SUSD6: variants seen among roughly 807,000 people sequenced by gnomAD.
The protein encoded by SUSD6 is sushi domain containing 6, also known as sushi domain-containing protein 6.
SUSD6 carries 16 observed loss-of-function variants against 28.4 expected under a neutral mutation model. The observed-to-expected ratio is 0.56, with a 90% CI of 0.38 to 0.86. SUSD6 has a LOEUF of 0.86. SUSD6 is among the 40% of genes least tolerant of loss of function. The probability of loss-of-function intolerance (pLI) is 0.00; values close to 1 mark genes in which losing one functional copy is unlikely to be tolerated. For synonymous variants in SUSD6, 147 were observed against 159.6 expected (o/e 0.92, Z 0.59); for missense variants, 341 against 384.2 (o/e 0.89, Z 0.94).
At chr14:69,679,005 A>C (rs1008728619) in intron 2 of SUSD6, among the ~76,000 whole-genome samples, 1 of 152,186 alleles carries the variant, frequency 6.6e-6, no homozygotes, top group Non-Finnish European at 1.5e-5. Context: ...ACTACTACTG[A>C]TGTATAAGAA....
intron 4 of SUSD6, among the ~76,000 whole-genome samples, chr14:69,707,205 C>T (rs1594725253): frequency 6.6e-6 from 1 of 152,032 alleles, no homozygotes; most frequent in Non-Finnish European, 1.5e-5. Flanking sequence ...TTGTATTACA[C>T]CAATGTTAAA....
At position 69,658,637 on chromosome 14, in the gene SUSD6, C is replaced by A. The variant is rs368354387; in HGVS notation, c.45C>A (p.Ala15=). 3 of 1,614,106 alleles carry A rather than the reference C, an allele frequency of 1.9e-6. No homozygotes were observed. The highest frequency in any genetic ancestry group is 2.5e-6 in the Non-Finnish European group (3 of 1,179,958). Residue 15 remains alanine (A), a synonymous_variant, in exon 2 of 6, where the codon GCC becomes GCA. Coordinates refer to ENST00000342745, the MANE Select transcript of SUSD6 (RefSeq NM_014734.4). ...CACCAAAGAGCACCTCAGTGTTTGC[C>A]GTGGCCTCCGTGGGACATGGAGTGT... ...RIAPKSTSVF[A]VASVGHGVFL... is the part of the protein sequence containing the mutation.
intron 1 of SUSD6, among the ~76,000 whole-genome samples, chr14:69,650,248 A>C (rs1331805060): frequency 6.6e-6 from 1 of 152,176 alleles, no homozygotes; most frequent in Non-Finnish European, 1.5e-5. Context: ...CTGTTAGAAC[A>C]GGAAGGGGCT....
At chr14:69,693,540 G>C (rs1317002044) in intron 2 of SUSD6, among the ~76,000 whole-genome samples, 2 of 152,176 alleles carry the variant, frequency 1.3e-5, no homozygotes, top group African/African-American at 4.8e-5. Flanking sequence ...CAAATATCCA[G>C]AAATTTCTGA....
At chr14:69,641,767 A>AT (rs1159647145) in intron 1 of SUSD6, among the ~76,000 whole-genome samples, 169 of 146,528 alleles carry the variant, frequency 1.2e-3, no homozygotes, top group East Asian at 2.4e-3. Flanking sequence ...TTTAAAAAAA[A>AT]TTTTTTTTTT....
At chr14:69,685,540 G>A (rs1004700333) in intron 2 of SUSD6, among the ~76,000 whole-genome samples, 1 of 152,208 alleles carries the variant, frequency 6.6e-6, no homozygotes, top group Non-Finnish European at 1.5e-5. Flanking sequence ...TTGGGACCCT[G>A]GAGGCAGTCC....
intron 2 of SUSD6, among the ~76,000 whole-genome samples, chr14:69,687,218 G>T (rs980617828): frequency 9.2e-5 from 14 of 152,160 alleles, no homozygotes; most frequent in Non-Finnish European, 1.8e-4. Context: ...CAGGTAATCT[G>T]CCTGCCTTGG....
chr14:69,671,471 A>G (rs1885830883), intron 2 of SUSD6, among the ~76,000 whole-genome samples: 1 of 152,126 alleles, frequency 6.6e-6, no homozygotes, highest in African/African-American at 2.4e-5. Flanking sequence ...AGTTCAGCCA[A>G]CTCGTAGGAG....
At chr14:69,658,394 G>T in intron 1 of SUSD6, 119 bp from the exon 2 acceptor site, 1 of 593,186 alleles carries the variant, frequency 1.7e-6, no homozygotes, top group Non-Finnish European at 2.9e-6. Context: ...GCAGGGATTC[G>T]AATAGTTGCT....
intron 1 of SUSD6, among the ~76,000 whole-genome samples, chr14:69,621,883 G>A (rs1198804856): frequency 1.3e-5 from 2 of 152,156 alleles, no homozygotes; most frequent in African/African-American, 2.4e-5. Flanking sequence ...ATGCTGACAT[G>A]CTTTTCTCTT....
intron 1 of SUSD6, among the ~76,000 whole-genome samples, chr14:69,618,130 G>A (rs1884985666): frequency 6.6e-6 from 1 of 152,180 alleles, no homozygotes; most frequent in African/African-American, 2.4e-5. Context: ...TGGAACCACA[G>A]GTTGAGTTTC....
At chr14:69,652,711 T>C (rs1268093313) in intron 1 of SUSD6, among the ~76,000 whole-genome samples, 1 of 152,196 alleles carries the variant, frequency 6.6e-6, no homozygotes, top group East Asian at 1.9e-4. Context: ...CCCTAGCTGC[T>C]GCTGCTGTTG....
Position 69,704,687 on chromosome 14 carries a change from C to G in SUSD6, c.403C>G (p.Leu135Val), listed in dbSNP as rs146645297. 1.0e-4 allele frequency: 167 copies of G among 1,614,190 alleles called. No homozygotes were observed. In the African/African-American group the frequency reaches 1.9e-3, roughly 18 times the overall value. The change falls in exon 4 of 6, where the codon CTC (leucine) becomes GTC (valine). Residue 135 changes from leucine (L) to valine (V), a missense_variant. Physicochemically the swap from Leu to Val is conservative, Grantham distance 32 (BLOSUM62 1). Coordinates refer to ENST00000342745, the MANE Select transcript of SUSD6 (RefSeq NM_014734.4). ...TASSVALILL[L>V]VVLFVLLQPK... ...CAGCTCCGTGGCGCTCATTCTCCTC[C>G]TCGTGGTGCTGTTTGTGCTGCTGCA...
chr14:69,686,374 C>T (rs1258569161), intron 2 of SUSD6, among the ~76,000 whole-genome samples: 3 of 152,238 alleles, frequency 2.0e-5, no homozygotes, highest in South Asian at 2.1e-4. Flanking sequence ...TATGAGGGTC[C>T]TTGCTAGGGA....
Position 69,709,094 on chromosome 14 carries a change from G to C in SUSD6, c.876G>C (p.Glu292Asp). The C allele has an allele frequency of 6.3e-7, 1 of 1,585,622 alleles. No homozygotes were observed. Among genetic ancestry groups the C allele is most frequent in the Non-Finnish European group, 8.6e-7 (1 of 1,165,020 alleles). Residue 292 changes from glutamate (E) to aspartate (D), a missense_variant, in exon 5 of 6, where the codon GAG becomes GAC. Transcript: ENST00000342745. ...GCCTTTTATCCCTCACGTCAGAGGA[G>C]TACACAGATGGTGAGTGGTCCAAGC... Reference protein sequence around the residue: ...IQSLLSLTSEEYTDDIPLLKE... With the variant: ...IQSLLSLTSEDYTDDIPLLKE...
chr14:69,703,692 T>A, intron 3 of SUSD6, 100 bp downstream of exon 3: 4 of 1,091,826 alleles, frequency 3.7e-6, no homozygotes, highest in Non-Finnish European at 5.4e-6. Context: ...TTTGCTGTGG[T>A]GCAGCCCAGC....
At chr14:69,663,868 T>C (rs1339489883) in intron 2 of SUSD6, among the ~76,000 whole-genome samples, 3 of 152,128 alleles carry the variant, frequency 2.0e-5, no homozygotes, top group African/African-American at 7.2e-5. Context: ...CAGATCAGCC[T>C]CCAGAAAATT....
intron 2 of SUSD6, among the ~76,000 whole-genome samples, chr14:69,667,894 A>G (rs1885768786): frequency 1.3e-5 from 2 of 152,340 alleles, no homozygotes; most frequent in Non-Finnish European, 2.9e-5. Flanking sequence ...CTCGTTGAAC[A>G]CAGAGACAAA....
chr14:69,630,674 A>G (rs971815688), intron 1 of SUSD6, among the ~76,000 whole-genome samples: 6 of 151,848 alleles, frequency 4.0e-5, no homozygotes, highest in African/African-American at 9.7e-5. Flanking sequence ...AAGAACACAC[A>G]TGGAAAAAAA....
Sources: allele counts gnomAD v4.1 joint callset (sites outside exome capture counted in the v4.1 genomes callset), GRCh38; gene constraint gnomAD v4.1.1; transcripts MANE v1.5; gene names NCBI Gene and HGNC (gene_info 2026-07-23, HGNC 2026-07-21).